The following PAQR8 variants were observed in gnomAD, a reference collection of about 807,000 sequenced individuals.
The protein encoded by PAQR8 is membrane progestin receptor beta.
PAQR8 carries 17 observed loss-of-function variants against 25.2 expected under a neutral mutation model. The observed-to-expected ratio is 0.67, with a 90% confidence interval of 0.46 to 1.01. The LOEUF (loss-of-function observed/expected upper bound fraction) is 1.01, where lower values mean the gene tolerates loss of function less well. PAQR8 is among the 50% of genes least tolerant of loss of function. The pLI is 0.00. For synonymous variants in PAQR8, 204 were observed against 190.6 expected (o/e 1.07, Z -0.58); for missense variants, 392 against 448.4 (o/e 0.87, Z 1.14).
chr6:52,369,441 A>C (rs1763391621), intron 1 of PAQR8, among the ~76,000 whole-genome samples: 1 of 152,240 alleles, frequency 6.6e-6, no homozygotes, highest in African/African-American at 2.4e-5. Context: ...TTCTCAAAGA[A>C]TAGAGAATTG....
chr6:52,368,986 C>G (rs1256110526), intron 1 of PAQR8, among the ~76,000 whole-genome samples: 3 of 152,158 alleles, frequency 2.0e-5, no homozygotes, highest in Non-Finnish European at 2.9e-5. Flanking sequence ...CACTCATTCT[C>G]TCTCCTGAGA....
chr6:52,404,154 G>T lies in PAQR8; in HGVS notation c.941G>T (p.Arg314Leu), dbSNP rs760537939. Residue 314 changes from arginine to leucine, a missense_variant, in exon 2 of 2, where the codon CGC becomes CTC. Arg to Leu is a moderately radical substitution (Grantham distance 102). Transcript: ENST00000442253. ...YQGRQEIFLQ[R>L]HGPLSVHMAC... The stretch of plus-strand genomic sequence containing the variant: ...GGGCGGCAGGAGATCTTCCTGCAGC[G>T]CCATGGACCCCTATCTGTCCACATG... The T allele has an allele frequency of 1.2e-6, 2 of 1,614,128 alleles. No individual in the cohort carries two copies. Among genetic ancestry groups the T allele is most frequent in the Non-Finnish European group, 1.7e-6 (2 of 1,180,008 alleles).
intron 1 of PAQR8, among the ~76,000 whole-genome samples, chr6:52,384,702 G>A (rs1456023680): frequency 6.6e-6 from 1 of 152,138 alleles, no homozygotes; most frequent in Non-Finnish European, 1.5e-5. Flanking sequence ...CCTAAATAGT[G>A]AAAGCAATCC....
chr6:52,379,598 C>T (rs549260611), intron 1 of PAQR8, among the ~76,000 whole-genome samples: 3 of 144,030 alleles, frequency 2.1e-5, no homozygotes, highest in East Asian at 4.3e-4. Flanking sequence ...ATTACAGGTG[C>T]GTACCGCCAC....
At position 52,404,115 on chromosome 6, in the gene PAQR8, T is replaced by C. The variant is rs927809959; in HGVS notation, c.902T>C (p.Leu301Pro). The C allele has an allele frequency of 2.6e-5, 42 of 1,614,118 alleles. No homozygotes were observed. The highest frequency in any genetic ancestry group is 3.3e-5 in the Non-Finnish European group (39 of 1,180,042). The change falls in exon 2 of 2, where the codon CTC (leucine) becomes CCC (proline). Residue 301 changes from leucine to proline, a missense_variant. Physicochemically the swap from Leu to Pro is moderately conservative, Grantham distance 98. Transcript: ENST00000442253. ...ACGCTCTCCCAGCTGGAGGCCATCC[T>C]CCTGGACTACCAGGGGCGGCAGGAG... ...ICTLSQLEAI[L>P]LDYQGRQEIF...
chr6:52,379,729 C>A (rs1429140137), intron 1 of PAQR8, among the ~76,000 whole-genome samples: 2 of 151,442 alleles, frequency 1.3e-5, no homozygotes, highest in Non-Finnish European at 2.9e-5. Context: ...CGGGTTCACG[C>A]CATTCTCCTG....
intron 1 of PAQR8, among the ~76,000 whole-genome samples, chr6:52,364,376 C>A (rs892661338): frequency 2.6e-5 from 4 of 152,166 alleles, no homozygotes; most frequent in African/African-American, 9.7e-5. Flanking sequence ...GACCTTGCAT[C>A]AAAATCTGCA....
intron 1 of PAQR8, among the ~76,000 whole-genome samples, chr6:52,369,817 G>A (rs1763396740): frequency 1.3e-5 from 2 of 152,088 alleles, no homozygotes; most frequent in Admixed American, 1.3e-4. Context: ...TTTTATTCCT[G>A]CACTTAAGCA....
intron 1 of PAQR8, among the ~76,000 whole-genome samples, chr6:52,374,258 C>T (rs1763455700): frequency 1.3e-5 from 2 of 152,148 alleles, no homozygotes; most frequent in South Asian, 4.1e-4. Context: ...GGCTAATACA[C>T]TAGTCAAGTT....
rs1425586536 is a variant in PAQR8 at position 52,404,321 on chromosome 6, T to C, written c.*43T>C. 6.8e-6 allele frequency: 10 copies of C among 1,475,990 alleles called. No homozygotes were observed. The highest frequency in any genetic ancestry group is 8.2e-6 in the Non-Finnish European group (9 of 1,099,984). The allele number at this position is 1,475,990 out of a possible 1,614,324, so 91.4% of individuals were successfully genotyped here. ...ACGTGTGGAGGAAGCCCCTCATAAT[T>C]TGGAGAAAACTTGATACAATAGAAG... On this transcript the variant is annotated 3_prime_UTR_variant, in exon 2 of 2. Transcript: ENST00000442253.
At position 52,406,633 on chromosome 6, in the gene PAQR8, G is replaced by C. The variant is rs1426909970; in HGVS notation, c.*2355G>C. ...GCTGGAGTGCAGTGATGCAATCACG[G>C]CTCACTGCAGCCTCGACCTCCCCAG... On this transcript the variant is annotated 3_prime_UTR_variant, in exon 2 of 2. Coordinates refer to ENST00000442253, the MANE Select transcript of PAQR8 (RefSeq NM_133367.5). 1 of 408,838 alleles carries C rather than the reference G, an allele frequency of 2.4e-6. No individual in the cohort carries two copies. Among genetic ancestry groups the C allele is most frequent in the Non-Finnish European group, 4.4e-6 (1 of 226,032 alleles). 25.3% of individuals were successfully genotyped at this position (408,838 alleles called of 1,614,324 possible). A position where few individuals can be genotyped will look rare whatever the true frequency, so the allele number is the denominator to read the frequency against.
chr6:52,379,379 C>G (rs1371872055), intron 1 of PAQR8, among the ~76,000 whole-genome samples: 3 of 152,100 alleles, frequency 2.0e-5, no homozygotes, highest in African/African-American at 7.2e-5. Context: ...TTGCACAACA[C>G]TGTGAATTGA....
At chr6:52,366,654 G>A (rs916510045) in intron 1 of PAQR8, among the ~76,000 whole-genome samples, 2 of 152,150 alleles carry the variant, frequency 1.3e-5, no homozygotes, top group Non-Finnish European at 2.9e-5. Flanking sequence ...AACTTTCCTG[G>A]AATGTTGTGT....
At chr6:52,377,190 G>A (rs1488412460) in intron 1 of PAQR8, among the ~76,000 whole-genome samples, 1 of 152,156 alleles carries the variant, frequency 6.6e-6, no homozygotes, top group Non-Finnish European at 1.5e-5. Context: ...ATGGAAAAGT[G>A]ACACTTTCTC....
chr6:52,403,392 A>T lies in PAQR8; in HGVS notation c.179A>T (p.His60Leu). 6.2e-7 allele frequency: 1 copy of T among 1,614,266 alleles called. No homozygotes were observed. The highest frequency in any genetic ancestry group is 8.5e-7 in the Non-Finnish European group (1 of 1,180,046). The change falls in exon 2 of 2, where the codon CAC (histidine) becomes CTC (leucine). Residue 60 changes from histidine to leucine, a missense_variant. His to Leu is a moderately conservative substitution (Grantham distance 99). Transcript: ENST00000442253. ...YIRTGYRPTGHEWRYYFFSLF... is the reference protein window; with the variant it reads ...YIRTGYRPTGLEWRYYFFSLF... Reference sequence around the variant, plus strand: ...CGCACCGGCTACCGCCCCACGGGGCACGAGTGGCGCTACTACTTCTTCAGC... The same window carrying T: ...CGCACCGGCTACCGCCCCACGGGGCTCGAGTGGCGCTACTACTTCTTCAGC...
chr6:52,379,259 C>G (rs576972490), intron 1 of PAQR8, among the ~76,000 whole-genome samples: 4 of 151,958 alleles, frequency 2.6e-5, no homozygotes, highest in Non-Finnish European at 5.9e-5. Flanking sequence ...TTCATAGAGA[C>G]GGAAAGTAGA....
chr6:52,393,520 A>AG (rs1173078432), intron 1 of PAQR8, among the ~76,000 whole-genome samples: 3 of 151,644 alleles, frequency 2.0e-5, no homozygotes, highest in Admixed American at 2.0e-4. Flanking sequence ...ATTTAGAGAT[A>AG]GAGTCTTGCT....
In PAQR8 at chr6:52,362,663, AGTCCGACAGGGCAGAACGAGGGGC is replaced by A. The variant is rs1337720027; in HGVS notation, c.-53+419_-53+442del. ...GAGATTCAGGACCAAGACGTGGGGG[AGTCCGACAGGGCAGAACGAGGGGC>A]GTCCTGTCCGCATTTGTGGGGCGCC... On this transcript the variant is annotated intron_variant, in intron 1 of 1. Coordinates refer to ENST00000442253, the MANE Select transcript of PAQR8 (RefSeq NM_133367.5). The surrounding 1 kb of genome is among the most constrained non-coding windows in gnomAD (Gnocchi z 4.1). Among the ~76,000 whole-genome samples, 9 of 152,088 alleles carry A rather than the reference AGTCCGACAGGGCAGAACGAGGGGC, an allele frequency of 5.9e-5. No homozygotes were observed. Among genetic ancestry groups the A allele is most frequent in the African/African-American group, 2.2e-4 (9 of 41,492 alleles).
intron 1 of PAQR8, among the ~76,000 whole-genome samples, chr6:52,374,935 T>C (rs926327349): frequency 3.4e-5 from 5 of 149,176 alleles, no homozygotes; most frequent in Non-Finnish European, 7.4e-5. Context: ...TAATAATTAA[T>C]ATAATATTAT....
Sources: allele counts gnomAD v4.1 joint callset (sites outside exome capture counted in the v4.1 genomes callset), GRCh38; gene constraint gnomAD v4.1.1; non-coding constraint Gnocchi (gnomAD v3.1); transcripts MANE v1.5; gene names NCBI Gene and HGNC (gene_info 2026-07-23, HGNC 2026-07-21).